The following TENM2 variants were observed in gnomAD, a reference collection of about 807,000 sequenced individuals.
The protein encoded by TENM2 is teneurin-2.
In TENM2, 52 loss-of-function variants were observed where a neutral mutation model predicts 245.2. That is an observed-to-expected ratio of 0.21 (90% CI 0.17 to 0.27). The LOEUF is 0.27. TENM2 is among the 10% of genes least tolerant of loss of function. The pLI, the probability that TENM2 is intolerant of heterozygous loss-of-function variation, is 1.00. For synonymous variants in TENM2, 1,363 were observed against 1,438.9 expected (o/e 0.95, Z 1.19); for missense variants, 3,046 against 3,666.8 (o/e 0.83, Z 4.37).
chr5:167,364,856 G>T (rs1759946216), intron 1 of TENM2, among the ~76,000 whole-genome samples: 1 of 149,490 alleles, frequency 6.7e-6, no homozygotes, highest in African/African-American at 2.5e-5. Context: ...GGAGGAAAGA[G>T]AAAAAAAAAC....
At chr5:168,174,929 A>G (rs1759216409) in intron 13 of TENM2, among the ~76,000 whole-genome samples, 1 of 152,214 alleles carries the variant, frequency 6.6e-6, no homozygotes, top group Admixed American at 6.5e-5. Context: ...GAGCAGTGGT[A>G]GCTGGCCCTG....
intron 5 of TENM2, among the ~76,000 whole-genome samples, chr5:168,009,195 A>G (rs1221953401): frequency 6.6e-6 from 1 of 152,232 alleles, no homozygotes; most frequent in Non-Finnish European, 1.5e-5. Flanking sequence ...GCCTGTACAA[A>G]TGTGGCATGT....
At chr5:167,231,243 C>T in the TENM2 span, among the ~76,000 whole-genome samples, 4 of 152,108 alleles carry the variant, frequency 2.6e-5, no homozygotes, top group Admixed American at 6.6e-5. Flanking sequence ...AATGTGGAAG[C>T]GACTTTGGAA....
chr5:167,463,626 G>A (rs747663213), intron 2 of TENM2, among the ~76,000 whole-genome samples: 2 of 151,998 alleles, frequency 1.3e-5, no homozygotes, highest in Non-Finnish European at 2.9e-5. Context: ...AGCCTCCCGA[G>A]TAGCTGGGAT....
chr5:167,099,726 A>C, the TENM2 span, among the ~76,000 whole-genome samples: 2 of 152,158 alleles, frequency 1.3e-5, no homozygotes, highest in African/African-American at 4.8e-5. Context: ...AAAAACAAAA[A>C]CAAAACTAAG....
chr5:167,486,878 A>G (rs185435264), intron 2 of TENM2, among the ~76,000 whole-genome samples: 5 of 152,290 alleles, frequency 3.3e-5, no homozygotes, highest in African/African-American at 1.2e-4. Flanking sequence ...TATATTTTCT[A>G]TGATATAAAA....
At chr5:167,326,984 C>T (rs540254507) in intron 1 of TENM2, among the ~76,000 whole-genome samples, 75 of 152,032 alleles carry the variant, frequency 4.9e-4, no homozygotes, top group African/African-American at 1.8e-3. Flanking sequence ...TAAAGGAAAA[C>T]CCGGCAAATT....
intron 15 of TENM2, 28 bp from the exon 18 acceptor site, chr5:168,198,825 C>A: frequency 6.2e-7 from 1 of 1,606,834 alleles, no homozygotes; most frequent in Non-Finnish European, 8.5e-7. Flanking sequence ...AGTCTACCCC[C>A]TCATCAGCTC....
At chr5:168,168,585 G>C (rs192751801) in intron 13 of TENM2, among the ~76,000 whole-genome samples, 52 of 151,822 alleles carry the variant, frequency 3.4e-4, no homozygotes, top group African/African-American at 1.3e-3. Context: ...TCAGGAGGCC[G>C]AGGTAGAAGG....
At chr5:167,870,554 C>CATATATATATATATATATATATATATAT (rs60172043) in intron 2 of TENM2, among the ~76,000 whole-genome samples, 7 of 128,374 alleles carry the variant, frequency 5.5e-5, no homozygotes, top group African/African-American at 2.0e-4. Flanking sequence ...AATGTGTATA[C>CATATATATATATATATATATATATATAT]ATATATATAT....
chr5:168,115,408 G>GGAAGGAAGGGAGGAAA (rs1458782856), intron 9 of TENM2, among the ~76,000 whole-genome samples: 2 of 122,874 alleles, frequency 1.6e-5, no homozygotes, highest in Non-Finnish European at 1.7e-5. Context: ...AAGGAAGGAA[G>GGAAGGAAGGGAGGAAA]GGAAAGGAAA....
At chr5:167,106,743 G>T in the TENM2 span, among the ~76,000 whole-genome samples, 1 of 151,896 alleles carries the variant, frequency 6.6e-6, no homozygotes, top group Non-Finnish European at 1.5e-5. Flanking sequence ...GCTGGGCTGT[G>T]GCAATAGAGG....
At chr5:167,478,530 C>CT (rs1303988459) in intron 2 of TENM2, among the ~76,000 whole-genome samples, 1 of 152,136 alleles carries the variant, frequency 6.6e-6, no homozygotes, top group Non-Finnish European at 1.5e-5. Context: ...AATGGGTTTC[C>CT]TATCACCATC....
At chr5:167,818,264 G>C (rs372432125) in intron 2 of TENM2, among the ~76,000 whole-genome samples, 71 of 152,208 alleles carry the variant, frequency 4.7e-4, no homozygotes, top group African/African-American at 1.7e-3. Context: ...CAAGTTTATT[G>C]AAGGCAAATG....
At chr5:167,775,700 A>T (rs1763719827) in intron 2 of TENM2, among the ~76,000 whole-genome samples, 1 of 152,164 alleles carries the variant, frequency 6.6e-6, no homozygotes, top group African/African-American at 2.4e-5. Flanking sequence ...AAAAAAAAAT[A>T]AACAAGACAT....
intron 12 of TENM2, among the ~76,000 whole-genome samples, chr5:168,140,802 A>C (rs1028666340): frequency 2.0e-5 from 3 of 152,086 alleles, no homozygotes; most frequent in African/African-American, 7.2e-5. Context: ...TAAAATTACA[A>C]CTGTGAAGTC....
rs182072041 is a variant in TENM2 at position 167,353,175 on chromosome 5, G to T, written c.227-22023G>T. Among the ~76,000 whole-genome samples, 5 of 152,192 alleles carry T rather than the reference G, an allele frequency of 3.3e-5. No homozygotes were observed. In the East Asian group the frequency reaches 7.7e-4, roughly 24 times the overall value. On this transcript the variant is annotated intron_variant, in intron 1 of 28. Transcript: ENST00000518659. Reference sequence around the variant, plus strand: ...TTTCTGAGCAGACTGGCTCATCAGCGCATGCCATGCAAAAATAAATACATA... The same window carrying T: ...TTTCTGAGCAGACTGGCTCATCAGCTCATGCCATGCAAAAATAAATACATA...
intron 2 of TENM2, among the ~76,000 whole-genome samples, chr5:167,713,489 C>T (rs922504495): frequency 1.8e-4 from 28 of 152,036 alleles, no homozygotes; most frequent in Admixed American, 7.2e-4. Flanking sequence ...ATACAATGCA[C>T]ACACACAAAC....
chr5:167,450,833 G>T (rs1765530725), intron 2 of TENM2, among the ~76,000 whole-genome samples: 1 of 151,854 alleles, frequency 6.6e-6, no homozygotes. Flanking sequence ...CTTACTGGGT[G>T]GTATGACTTA....
Sources: gnomAD v4.1 joint callset for allele counts (sites outside exome capture counted in the v4.1 genomes callset) on GRCh38, gnomAD v4.1.1 for gene constraint, MANE v1.5 for transcripts, NCBI Gene and HGNC (gene_info 2026-07-23, HGNC 2026-07-21) for gene names.